Variants in NUCB2 observed in about 807,000 individuals in gnomAD.
The protein encoded by NUCB2 is nucleobindin 2.
A neutral mutation model predicts 57.9 loss-of-function variants in NUCB2; 48 were observed. The ratio of observed to expected loss-of-function variants is 0.83; its 90% CI spans 0.66 to 1.05. The LOEUF (loss-of-function observed/expected upper bound fraction) is 1.05, where lower values mean the gene tolerates loss of function less well. NUCB2 is among the 50% of genes least tolerant of loss of function. The pLI is 0.00. For missense variants in NUCB2, 442 were observed against 476.2 expected, an observed-to-expected ratio of 0.93 and a Z score of 0.67; for synonymous variants, 139 against 152.1, an observed-to-expected ratio of 0.91 and a Z score of 0.64.
chr11:17,288,552 C>CTTTTTTTTTTTTTTTTTTTTTTTTTT (rs1362783048), intron 2 of NUCB2, among the ~76,000 whole-genome samples: 2 of 101,190 alleles, frequency 2.0e-5, no homozygotes, highest in Non-Finnish European at 3.6e-5. Flanking sequence ...TCTTCTTCTT[C>CTTTTTTTTTTTTTTTTTTTTTTTTTT]TTTTTTTTTT....
intron 1 of NUCB2, among the ~76,000 whole-genome samples, chr11:17,278,814 C>G (rs1356392093): frequency 6.6e-6 from 1 of 152,160 alleles, no homozygotes; most frequent in Non-Finnish European, 1.5e-5. Flanking sequence ...TCTAAGGACC[C>G]TTTTGAAGGC....
chr11:17,301,097 C>T (rs1373167107), intron 4 of NUCB2, among the ~76,000 whole-genome samples: 2 of 150,650 alleles, frequency 1.3e-5, no homozygotes, highest in Non-Finnish European at 3.0e-5. Context: ...CTCAGCCTCC[C>T]GAGTAGCTGA....
downstream of NUCB2, among the ~76,000 whole-genome samples, chr11:17,336,613 G>C (rs1288338898): frequency 6.6e-6 from 1 of 151,342 alleles, no homozygotes; most frequent in East Asian, 2.0e-4. Context: ...AATTAGCCGG[G>C]CGTGGTGGCG....
At chr11:17,295,652 GAA>G in intron 3 of NUCB2, 185 bp downstream of exon 3, 1 of 575,288 alleles carries the variant, frequency 1.7e-6, no homozygotes, top group East Asian at 3.1e-5. Flanking sequence ...AAATAGCAGT[GAA>G]AAGAGTATTG....
At chr11:17,314,921 A>G (rs572932507) in intron 10 of NUCB2, among the ~76,000 whole-genome samples, 1 of 152,222 alleles carries the variant, frequency 6.6e-6, no homozygotes, top group East Asian at 1.9e-4. Flanking sequence ...TTTAGTTTTG[A>G]TTTTGGTAAT....
chr11:17,346,953 G>A (rs1419705175), intron 2 of NUCB2, among the ~76,000 whole-genome samples: 11 of 152,130 alleles, frequency 7.2e-5, no homozygotes, highest in Non-Finnish European at 1.5e-4. Context: ...TGTGAACCCC[G>A]AAAATTTGAG....
chr11:17,280,730 T>C (rs1052103104), intron 1 of NUCB2, among the ~76,000 whole-genome samples: 5 of 152,202 alleles, frequency 3.3e-5, no homozygotes, highest in Admixed American at 3.3e-4. Context: ...AGAAGAGCTC[T>C]AATGTGGCCT....
Position 17,288,956 on chromosome 11 carries a change from TATA to T in NUCB2, c.-1+6014_-1+6016del, listed in dbSNP as rs1270604026. ...ACACACACACACACACACACATATA[TATA>T]TATATTTTTTTTTTTTGAGATGGAG... On this transcript the variant is annotated intron_variant, in intron 2 of 13. Coordinates refer to ENST00000529010, the MANE Select transcript of NUCB2 (RefSeq NM_005013.4). Among the ~76,000 whole-genome samples the T allele has an allele frequency of 1.8e-4, 14 of 77,576 alleles. 1 individual carries two copies. The highest frequency in any genetic ancestry group is 2.1e-4 in the Non-Finnish European group (9 of 43,744). The allele number at this position is 77,576 out of a possible 152,430, so 50.9% of individuals were successfully genotyped here. A position where few individuals can be genotyped will look rare whatever the true frequency, so the allele number is the denominator to read the frequency against.
At chr11:17,309,272 G>A (rs185733741) in intron 5 of NUCB2, among the ~76,000 whole-genome samples, 20 of 152,162 alleles carry the variant, frequency 1.3e-4, no homozygotes, top group African/African-American at 4.6e-4. Context: ...AGTGATCCAT[G>A]ATTGCACCAT....
chr11:17,287,447 A>G (rs1943952981), intron 2 of NUCB2, among the ~76,000 whole-genome samples: 1 of 151,174 alleles, frequency 6.6e-6, no homozygotes, highest in Admixed American at 6.6e-5. Flanking sequence ...TGAGGTGGGC[A>G]GATTGGTTGA....
chr11:17,304,224 A>G (rs1947252756), intron 5 of NUCB2, among the ~76,000 whole-genome samples: 1 of 151,036 alleles, frequency 6.6e-6, no homozygotes, highest in East Asian at 1.9e-4. Flanking sequence ...ACCGAGTCTC[A>G]CTGAGTCACC....
At chr11:17,278,801 C>T (rs1221022045) in intron 1 of NUCB2, among the ~76,000 whole-genome samples, 1 of 152,190 alleles carries the variant, frequency 6.6e-6, no homozygotes, top group Non-Finnish European at 1.5e-5. Context: ...TTACTTTCCA[C>T]TTTCTAAGGA....
At chr11:17,293,910 C>G (rs1357196746) in intron 2 of NUCB2, among the ~76,000 whole-genome samples, 1 of 152,052 alleles carries the variant, frequency 6.6e-6, no homozygotes, top group Non-Finnish European at 1.5e-5. Flanking sequence ...CAGTGAGTGA[C>G]TGATAATGGG....
rs553895762 is a variant in NUCB2 at position 17,292,764 on chromosome 11, G to T, written c.1-2560G>T. ...TGGGGATAATAATATTGACTTCACAGAGTCATTGTAAGAGTTGATGCGTTA... is the reference window on the plus strand; with the variant it reads ...TGGGGATAATAATATTGACTTCACATAGTCATTGTAAGAGTTGATGCGTTA... On this transcript the variant is annotated intron_variant, in intron 2 of 13. Transcript: ENST00000529010. 2.4e-4 allele frequency among the ~76,000 whole-genome samples: 37 copies of T among 152,322 alleles called. No individual in the cohort carries two copies. In the South Asian group the frequency reaches 7.5e-3, roughly 31 times the overall value.
chr11:17,347,926 C>T (rs961777454), intron 2 of NUCB2, among the ~76,000 whole-genome samples: 1 of 152,182 alleles, frequency 6.6e-6, no homozygotes, highest in Admixed American at 6.5e-5. Flanking sequence ...CAACATTACT[C>T]ATGCTGTTGG....
chr11:17,307,295 C>G (rs1040675660), intron 5 of NUCB2, among the ~76,000 whole-genome samples: 7 of 151,736 alleles, frequency 4.6e-5, no homozygotes, highest in Non-Finnish European at 8.8e-5. Context: ...TAACACCATC[C>G]TCCTTGGGTT....
intron 5 of NUCB2, among the ~76,000 whole-genome samples, chr11:17,302,888 A>G (rs536544972): frequency 3.3e-5 from 5 of 151,894 alleles, no homozygotes; most frequent in Non-Finnish European, 5.9e-5. Context: ...ACAGGCGCCC[A>G]CTACCACACC....
At position 17,330,849 on chromosome 11, in the gene NUCB2, A is replaced by C. The variant is rs902688908; in HGVS notation, c.1174-53A>C. ...TTTGTTGTGCTTTGTCAAAGGTCACACATATGATAGAAAATCAAGTTATAC... is the reference window on the plus strand; with the variant it reads ...TTTGTTGTGCTTTGTCAAAGGTCACCCATATGATAGAAAATCAAGTTATAC... On this transcript the variant is annotated intron_variant, in intron 12 of 13. Coordinates refer to ENST00000529010, the MANE Select transcript of NUCB2 (RefSeq NM_005013.4). The surrounding 1 kb of genome is among the most constrained non-coding windows in gnomAD (Gnocchi z 4.3). 9 of 1,019,666 alleles carry C rather than the reference A, an allele frequency of 8.8e-6. No individual in the cohort carries two copies. The Admixed American group carries it at 1.5e-4, about 17-fold the overall frequency. The allele number at this position is 1,019,666 out of a possible 1,614,324, so 63.2% of individuals were successfully genotyped here. A position where few individuals can be genotyped will look rare whatever the true frequency, so the allele number is the denominator to read the frequency against.
rs1475207301 is a variant in NUCB2, at chr11:17,331,998, T to G, written c.*579T>G. On this transcript the variant is annotated 3_prime_UTR_variant, in exon 14 of 14. Coordinates refer to ENST00000529010, the MANE Select transcript of NUCB2 (RefSeq NM_005013.4). ...CAGGTCATTTTTCATTCTTTTTTAT[T>G]TTGCTCTATACTTTATCATTTAAGA... 2 of 152,182 alleles carry G rather than the reference T, an allele frequency of 1.3e-5. No homozygotes were observed. Among genetic ancestry groups the G allele is most frequent in the African/African-American group, 4.8e-5 (2 of 41,456 alleles). 9.4% of individuals were successfully genotyped at this position (152,182 alleles called of 1,614,324 possible).
Sources: gnomAD v4.1 joint callset for allele counts (sites outside exome capture counted in the v4.1 genomes callset) on GRCh38, gnomAD v4.1.1 for gene constraint, Gnocchi (gnomAD v3.1) non-coding constraint, MANE v1.5 for transcripts, NCBI Gene and HGNC (gene_info 2026-07-23, HGNC 2026-07-21) for gene names.